The following NOX5 variants were observed in gnomAD, a reference collection of about 807,000 sequenced individuals.
The protein encoded by NOX5 is NADPH oxidase 5.
NOX5 carries 76 observed loss-of-function variants against 85.7 expected under a neutral mutation model. That is an observed-to-expected ratio of 0.89 (90% CI 0.74 to 1.07). The LOEUF is 1.07. Ranked by LOEUF, NOX5 falls within the 50% of genes least tolerant of loss-of-function variation. The pLI is 0.00. For synonymous variants in NOX5, 405 were observed against 401.4 expected, an observed-to-expected ratio of 1.01 and a Z score of -0.11; for missense variants, 973 against 999.5, an observed-to-expected ratio of 0.97 and a Z score of 0.36.
rs778323357 is a variant in NOX5 at position 69,046,847 on chromosome 15, A to G, written c.1673A>G (p.His558Arg). ...SKGSEILLEK[H>R]KFCNIKCYID... The stretch of plus-strand genomic sequence containing the variant: ...GGCTCTGAGATACTTTTGGAGAAAC[A>G]CAAATTCTGTAACATCAAGGTGAGA... The change falls in exon 11 of 16, where the codon CAC (histidine) becomes CGC (arginine). Residue 558 changes from histidine (H) to arginine (R), a missense_variant. Physicochemically the swap from His to Arg is conservative, Grantham distance 29 (BLOSUM62 0). Coordinates refer to ENST00000388866, the MANE Select transcript of NOX5 (RefSeq NM_024505.4). 5.6e-6 allele frequency: 9 copies of G among 1,613,726 alleles called. No homozygotes were observed. In the South Asian group the frequency reaches 8.8e-5, roughly 16 times the overall value.
Position 69,031,551 on chromosome 15 carries a change from A to G in NOX5, c.359A>G (p.Glu120Gly). The G allele has an allele frequency of 6.2e-7, 1 of 1,611,848 alleles. No individual in the cohort carries two copies. The highest frequency in any genetic ancestry group is 8.5e-7 in the Non-Finnish European group (1 of 1,179,874). Residue 120 changes from glutamate (E) to glycine (G), a missense_variant, in exon 4 of 16, where the codon GAG becomes GGG. Transcript: ENST00000388866. ...CGGCAGGGGGCGTCTGCAGGTACAG[A>G]GTGGGGTGCTGGGGCAGGCCCGCAC... ...CARQGASAGT[E>G]WGAGAGPHWA...
chr15:69,046,332 A>G (rs1376933770), intron 10 of NOX5: 1 of 152,750 alleles, frequency 6.5e-6, no homozygotes, highest in Non-Finnish European at 1.5e-5. Flanking sequence ...TTGAAGAGGA[A>G]TAGCAACTTC....
chr15:69,019,658 C>T (rs950788582), intron 1 of NOX5, among the ~76,000 whole-genome samples: 1 of 152,258 alleles, frequency 6.6e-6, no homozygotes, highest in Non-Finnish European at 1.5e-5. Flanking sequence ...TTCCCTTCCA[C>T]ACAGTGCTAC....
chr15:69,017,217 T>C (rs1005679542), intron 1 of NOX5, among the ~76,000 whole-genome samples: 1 of 152,100 alleles, frequency 6.6e-6, no homozygotes, highest in Non-Finnish European at 1.5e-5. Context: ...AGTGGCGTGA[T>C]CTTGGCTCAC....
rs565567188 is a variant in NOX5 at position 69,015,440 on chromosome 15, C to G, written c.50+655C>G. The stretch of plus-strand genomic sequence containing the variant: ...CCTTCCCTGCGTTAGCACTTGCATG[C>G]AGCCCTTTTTCCAGAATTCTCTCTG... On this transcript the variant is annotated intron_variant, in intron 1 of 15. Coordinates refer to ENST00000388866, the MANE Select transcript of NOX5 (RefSeq NM_024505.4). Among the ~76,000 whole-genome samples the G allele has an allele frequency of 3.9e-5, 6 of 152,286 alleles. No individual in the cohort carries two copies. In the South Asian group the frequency reaches 1.2e-3, roughly 32 times the overall value.
Position 69,049,027 on chromosome 15 carries a change from G to A in NOX5, c.1968G>A (p.Leu656=), listed in dbSNP as rs2050712419. The part of the protein sequence containing the change: ...FEWFVSLLTK[L]EMDQAEEAQY... ...GGTTTGTGAGCCTGCTGACTAAACT[G>A]GAGATGGACCAGGCCGAGGAGGCTC... The change falls in exon 14 of 16, where the codon CTG becomes CTA. Residue 656 remains leucine (L), a synonymous_variant. Coordinates refer to ENST00000388866, the MANE Select transcript of NOX5 (RefSeq NM_024505.4). The A allele has an allele frequency of 1.2e-6, 2 of 1,612,480 alleles. No individual in the cohort carries two copies. The highest frequency in any genetic ancestry group is 3.3e-5 in the Admixed American group (2 of 59,938).
chr15:69,047,405 G>C lies in NOX5; in HGVS notation c.1693-8G>C, dbSNP rs528587920. ...CATCTCTCTTCTCTGATGCCCTCTTGTGCACAGTGCTACATCGATGGGCCT... is the reference window on the plus strand; with the variant it reads ...CATCTCTCTTCTCTGATGCCCTCTTCTGCACAGTGCTACATCGATGGGCCT... On this transcript the variant is annotated splice_polypyrimidine_tract_variant and splice_region_variant and intron_variant, in intron 11 of 15. Coordinates refer to ENST00000388866, the MANE Select transcript of NOX5 (RefSeq NM_024505.4). 38 of 1,607,374 alleles carry C rather than the reference G, an allele frequency of 2.4e-5. 1 individual carries two copies. In the South Asian group the frequency reaches 3.9e-4, roughly 16 times the overall value.
Position 69,037,035 on chromosome 15 carries a change from A to G in NOX5, c.1196A>G (p.Tyr399Cys), listed in dbSNP as rs146255161. ...CCCCCCCTACCCCCATAGGTGTTCT[A>G]TTGGACTCACCTGTCCTACCTCCTC... ...IRRSGHFEVF[Y>C]WTHLSYLLVW... is the part of the protein sequence containing the mutation. The change falls in exon 8 of 16, where the codon TAT becomes TGT. Residue 399 changes from tyrosine to cysteine, a missense_variant. By Grantham distance (194) the Tyr-to-Cys change is radical. Transcript: ENST00000388866. The G allele has an allele frequency of 5.0e-6, 8 of 1,588,078 alleles. No homozygotes were observed. The African/African-American group carries it at 8.1e-5, about 16-fold the overall frequency.
At chr15:69,036,310 G>T (rs1221460187) in intron 7 of NOX5, among the ~76,000 whole-genome samples, 2 of 152,054 alleles carry the variant, frequency 1.3e-5, no homozygotes, top group Non-Finnish European at 2.9e-5. Flanking sequence ...TAAAATGGAG[G>T]TGTAATTCTC....
At chr15:69,045,556 C>CTTTCTTTCTTTCTTCCCTTTCTTTCT (rs2050657300) in intron 10 of NOX5, among the ~76,000 whole-genome samples, 9 of 127,218 alleles carry the variant, frequency 7.1e-5, no homozygotes, top group African/African-American at 2.9e-4. Context: ...TTCTTTCTTT[C>CTTTCTTTCTTTCTTCCCTTTCTTTCT]TTTCTTTCTT....
rs1413274989 is a variant in NOX5, at chr15:69,033,229, G to C, written c.807G>C (p.Val269=). 1 of 1,598,096 alleles carries C rather than the reference G, an allele frequency of 6.3e-7. No homozygotes were observed. Among genetic ancestry groups the C allele is most frequent in the Non-Finnish European group, 8.5e-7 (1 of 1,179,276 alleles). ...AHRDLGASVM[V]AKGCGQCLNF... is the part of the protein sequence containing the mutation. Reference sequence around the variant, plus strand: ...GGGACCTCGGCGCCAGCGTCATGGTGGCCAAGGGCTGCGGCCAGTGCCTCA... The same window carrying C: ...GGGACCTCGGCGCCAGCGTCATGGTCGCCAAGGGCTGCGGCCAGTGCCTCA... The change falls in exon 5 of 16, where the codon GTG becomes GTC. Residue 269 remains valine, a synonymous_variant. Coordinates refer to ENST00000388866, the MANE Select transcript of NOX5 (RefSeq NM_024505.4).
chr15:69,031,519 G>C lies in NOX5; in HGVS notation c.327G>C (p.Val109=), dbSNP rs1437913727. ...GAAGAGGCCCACCACTTCTTGCAGT[G>C]TGTGCACGGCAGGGGGCGTCTGCAG... ...KFLFQVYDID[V]CARQGASAGT... is the part of the protein sequence containing the mutation. The change falls in exon 4 of 16, where the codon GTG becomes GTC. Residue 109 remains valine (V), a splice_region_variant and synonymous_variant. Transcript: ENST00000388866. The C allele has an allele frequency of 3.1e-6, 5 of 1,602,414 alleles. No individual in the cohort carries two copies. Among genetic ancestry groups the C allele is most frequent in the Non-Finnish European group, 3.4e-6 (4 of 1,174,188 alleles).
chr15:69,042,805 G>T lies in NOX5; in HGVS notation c.1647G>T (p.Lys549Asn), dbSNP rs1335971562. 6.2e-7 allele frequency: 1 copy of T among 1,613,108 alleles called. No individual in the cohort carries two copies. Among genetic ancestry groups the T allele is most frequent in the East Asian group, 2.2e-5 (1 of 44,892 alleles). The change falls in exon 10 of 16, where the codon AAG (lysine) becomes AAT (asparagine). Residue 549 changes from lysine (K) to asparagine (N), a missense_variant and splice_region_variant. Transcript: ENST00000388866. The stretch of plus-strand genomic sequence containing the variant: ...TGAGAAAGAGTCAAAGGTCGTCCAA[G>T]GTAGGTGGCTACTGGAGGGAAGGGG... ...VTMRKSQRSSKGSEILLEKHK... is the reference protein window; with the variant it reads ...VTMRKSQRSSNGSEILLEKHK...
At chr15:69,051,542 G>A (rs1157688041) in intron 14 of NOX5, among the ~76,000 whole-genome samples, 1 of 152,098 alleles carries the variant, frequency 6.6e-6, no homozygotes, top group Non-Finnish European at 1.5e-5. Context: ...ACCATGCCCA[G>A]CTAATCTCAT....
At chr15:69,022,251 GT>G in intron 1 of NOX5, 1 of 204,352 alleles carries the variant, frequency 4.9e-6, no homozygotes, top group Non-Finnish European at 1.2e-5. Context: ...TAATGTCGAA[GT>G]TTTTATCCCA....
chr15:69,050,511 C>T (rs1052609850), intron 14 of NOX5, among the ~76,000 whole-genome samples: 2 of 152,170 alleles, frequency 1.3e-5, no homozygotes, highest in African/African-American at 4.8e-5. Context: ...CTGCCTCAGT[C>T]TCCCAAGTAG....
chr15:69,054,758 G>A (rs1775786494), intron 14 of NOX5, among the ~76,000 whole-genome samples: 1 of 152,196 alleles, frequency 6.6e-6, no homozygotes, highest in South Asian at 2.1e-4. Flanking sequence ...TTCACGCTAT[G>A]ATCCATTCAC....
chr15:69,049,170 AC>A, intron 14 of NOX5, 112 bp downstream of exon 14: 1 of 596,860 alleles, frequency 1.7e-6, no homozygotes, highest in Non-Finnish European at 2.7e-6. Context: ...GAACCATTTA[AC>A]CATTAAAGTG....
At chr15:69,023,732 G>T in intron 1 of NOX5, 1 of 170,258 alleles carries the variant, frequency 5.9e-6, no homozygotes, top group Non-Finnish European at 1.3e-5. Context: ...ATCTTGTTAG[G>T]ATTAAAGACA....
Sources: gnomAD v4.1 joint callset for allele counts (sites outside exome capture counted in the v4.1 genomes callset) on GRCh38, gnomAD v4.1.1 for gene constraint, MANE v1.5 for transcripts, NCBI Gene and HGNC (gene_info 2026-07-23, HGNC 2026-07-21) for gene names.